ARID5B: variants seen among roughly 807,000 people sequenced by gnomAD.
ARID5B encodes AT-rich interaction domain 5B.
ARID5B carries 13 observed loss-of-function variants against 97.2 expected under a neutral mutation model. The ratio of observed to expected loss-of-function variants is 0.13; its 90% CI spans 0.09 to 0.21. The LOEUF (loss-of-function observed/expected upper bound fraction) is 0.21. ARID5B is among the 10% of genes least tolerant of loss of function. ARID5B has a pLI of 1.00. For synonymous variants in ARID5B, 556 were observed against 570.3 expected (o/e 0.97, Z 0.36); for missense variants, 1,210 against 1,465.3 (o/e 0.83, Z 2.84).
At chr10:62,003,227 G>T (rs749496662) in intron 4 of ARID5B, among the ~76,000 whole-genome samples, 21 of 152,028 alleles carry the variant, frequency 1.4e-4, no homozygotes, top group Non-Finnish European at 2.4e-4. Context: ...ATCTAATTGG[G>T]GAAGACAGGA....
At chr10:62,081,037 A>C (rs1040212148) in intron 8 of ARID5B, among the ~76,000 whole-genome samples, 12 of 152,182 alleles carry the variant, frequency 7.9e-5, no homozygotes, top group African/African-American at 2.6e-4. Flanking sequence ...TCCTGACCCC[A>C]AGTGATCCGA....
At chr10:61,902,082 T>A in intron 1 of ARID5B, 77 bp from the exon 2 acceptor site, 1 of 1,558,250 alleles carries the variant, frequency 6.4e-7, no homozygotes, top group Non-Finnish European at 8.8e-7. Context: ...GATGTCTGTG[T>A]GTAAATGTGT....
rs185745624 is a variant in ARID5B, at chr10:62,029,931, T to G, written c.734-20957T>G. 2.0e-4 allele frequency among the ~76,000 whole-genome samples: 30 copies of G among 152,294 alleles called. No homozygotes were observed. The East Asian group carries it at 5.6e-3, about 28-fold the overall frequency. ...GAGCGTTTGGCTTTAGCAGAAATCTTAGTCTTTGATGTGGAAAATAGAAAA... is the reference window on the plus strand; with the variant it reads ...GAGCGTTTGGCTTTAGCAGAAATCTGAGTCTTTGATGTGGAAAATAGAAAA... On this transcript the variant is annotated intron_variant, in intron 4 of 9. Coordinates refer to ENST00000279873, the MANE Select transcript of ARID5B (RefSeq NM_032199.3).
intron 3 of ARID5B, among the ~76,000 whole-genome samples, chr10:61,999,344 T>C (rs548291583): frequency 6.6e-6 from 1 of 152,332 alleles, no homozygotes; most frequent in East Asian, 1.9e-4. Context: ...GCTGAAAATA[T>C]CAAGTCGAAA....
chr10:62,093,006 C>A lies in ARID5B; in HGVS notation c.3543C>A (p.Ser1181=). The A allele has an allele frequency of 1.2e-6, 2 of 1,610,636 alleles. No homozygotes were observed. Among genetic ancestry groups the A allele is most frequent in the Non-Finnish European group, 8.5e-7 (1 of 1,179,182 alleles). ...QAAFPSSQLS[S]VHPSTKL ...CCTTTCCATCTTCCCAGCTGTCATC[C>A]GTGCACCCCAGTACAAAACTGTAGG... is the stretch of plus-strand genomic sequence containing the variant. Residue 1181 remains serine (S), a synonymous_variant, in exon 10 of 10, where the codon TCC becomes TCA. Transcript: ENST00000279873.
chr10:61,949,776 A>G (rs1838297456), intron 3 of ARID5B, among the ~76,000 whole-genome samples: 1 of 152,246 alleles, frequency 6.6e-6, no homozygotes, highest in Non-Finnish European at 1.5e-5. Context: ...ATGAGAAGAT[A>G]ATCAAAAGAT....
chr10:62,024,946 G>A, intron 4 of ARID5B: 1 of 295,384 alleles, frequency 3.4e-6, no homozygotes, highest in Non-Finnish European at 6.3e-6. Context: ...GTGCCCTACT[G>A]GAAGCAGTGC....
chr10:61,964,258 G>T (rs1336515195), intron 3 of ARID5B, among the ~76,000 whole-genome samples: 4 of 152,064 alleles, frequency 2.6e-5, no homozygotes, highest in African/African-American at 4.8e-5. Context: ...CCAGAGATAG[G>T]GAGGAAGAGT....
intron 3 of ARID5B, among the ~76,000 whole-genome samples, chr10:61,941,692 G>A (rs1844413768): frequency 6.6e-6 from 1 of 152,126 alleles, no homozygotes; most frequent in Admixed American, 6.5e-5. Context: ...TGCAGTTTGA[G>A]TTTAACTATC....
chr10:61,988,971 C>T (rs902462612), intron 3 of ARID5B, among the ~76,000 whole-genome samples: 3 of 140,336 alleles, frequency 2.1e-5, no homozygotes, highest in African/African-American at 8.0e-5. Flanking sequence ...GCACTGTCGC[C>T]CAGGCTGGAG....
intron 4 of ARID5B, among the ~76,000 whole-genome samples, chr10:62,007,186 G>C (rs1839157257): frequency 6.6e-6 from 1 of 152,144 alleles, no homozygotes. Flanking sequence ...ATGTTCGCTT[G>C]ACTTAAGCAG....
At chr10:61,983,223 A>C (rs1185046264) in intron 3 of ARID5B, among the ~76,000 whole-genome samples, 1 of 152,170 alleles carries the variant, frequency 6.6e-6, no homozygotes, top group African/African-American at 2.4e-5. Flanking sequence ...GAATTAGGGG[A>C]AGATGAATAT....
At chr10:62,051,250 A>G (rs1839785955) in intron 5 of ARID5B, 2 of 582,300 alleles carry the variant, frequency 3.4e-6, no homozygotes, top group Non-Finnish European at 6.1e-6. Context: ...TTGGCCTGTT[A>G]TGAGTAAAGG....
intron 2 of ARID5B, among the ~76,000 whole-genome samples, chr10:61,919,919 G>A (rs975558423): frequency 4.0e-5 from 6 of 151,862 alleles, no homozygotes; most frequent in African/African-American, 1.5e-4. Context: ...CAAGCTCTGG[G>A]TTTGTTTTTA....
rs750322628 is a variant in ARID5B, at chr10:62,092,297, G to A, written c.2834G>A (p.Ser945Asn). 1 of 1,608,636 alleles carries A rather than the reference G, an allele frequency of 6.2e-7. No homozygotes were observed. Among genetic ancestry groups the A allele is most frequent in the Non-Finnish European group, 8.5e-7 (1 of 1,177,380 alleles). ...ATCTCCCAGTTCCAGGTCTTAGGCA[G>A]CCAGAGTCGAGACTGTCACCCCAAA... ...KGISQFQVLG[S>N]QSRDCHPKAC... is the part of the protein sequence containing the mutation. Residue 945 changes from serine to asparagine, a missense_variant, in exon 10 of 10, where the codon AGC becomes AAC. By Grantham distance (46) the Ser-to-Asn change is conservative. Coordinates refer to ENST00000279873, the MANE Select transcript of ARID5B (RefSeq NM_032199.3).
intron 8 of ARID5B, among the ~76,000 whole-genome samples, chr10:62,077,807 G>A (rs932619225): frequency 6.6e-6 from 1 of 152,134 alleles, no homozygotes; most frequent in Non-Finnish European, 1.5e-5. Flanking sequence ...TTAAATAACT[G>A]TACTCTCAAG....
chr10:61,942,520 G>A (rs10740052), intron 3 of ARID5B, among the ~76,000 whole-genome samples: 74,145 of 152,022 alleles, frequency 0.49, 18,214 homozygotes, highest in Non-Finnish European at 0.52. Context: ...GGCCGGGTGC[G>A]GTGGCTCACG....
intron 4 of ARID5B, among the ~76,000 whole-genome samples, chr10:62,045,000 A>G (rs1051968630): frequency 2.0e-5 from 3 of 152,246 alleles, no homozygotes; most frequent in African/African-American, 7.2e-5. Flanking sequence ...AATTGAATAG[A>G]AATTTAATAC....
intron 7 of ARID5B, among the ~76,000 whole-genome samples, chr10:62,067,457 T>G (rs61850788): frequency 0.052 from 7,983 of 152,342 alleles, 250 homozygotes; most frequent in Non-Finnish European, 0.069. Context: ...CTCAGAGCAC[T>G]GTTAATTCAA....
Sources: gnomAD v4.1 joint callset for allele counts (sites outside exome capture counted in the v4.1 genomes callset) on GRCh38, gnomAD v4.1.1 for gene constraint, MANE v1.5 for transcripts, NCBI Gene and HGNC (gene_info 2026-07-23, HGNC 2026-07-21) for gene names.